DNAH14: variants seen among roughly 807,000 people sequenced by gnomAD.
The protein encoded by DNAH14 is axonemal beta dynein heavy chain 14.
DNAH14 carries 478 observed loss-of-function variants against 520.9 expected under a neutral mutation model. That is an observed-to-expected ratio of 0.92 (90% CI 0.85 to 0.99). The LOEUF is 0.99. Ranked by LOEUF, DNAH14 falls within the 50% of genes least tolerant of loss-of-function variation. DNAH14 has a pLI of 0.00. For missense variants in DNAH14, 4,831 were observed against 5,234.5 expected, an observed-to-expected ratio of 0.92 and a Z score of 2.38; for synonymous variants, 1,581 against 1,757.2, an observed-to-expected ratio of 0.90 and a Z score of 2.51.
At chr1:224,995,168 A>G (rs1444818718) in intron 8 of DNAH14, among the ~76,000 whole-genome samples, 1 of 152,066 alleles carries the variant, frequency 6.6e-6, no homozygotes, top group Non-Finnish European at 1.5e-5. Context: ...TTATGTTATC[A>G]TTTAGTGGCT....
Position 225,240,636 on chromosome 1 carries a change from A to G in DNAH14, c.6562A>G (p.Thr2188Ala). The change falls in exon 43 of 86, where the codon ACA (threonine) becomes GCA (alanine). Residue 2188 changes from threonine (T) to alanine (A), a missense_variant. Coordinates refer to ENST00000682510, the MANE Select transcript of DNAH14 (RefSeq NM_001367479.1). ...WYPEKNPDKL[T>A]KIIQKLFVFA... ...TCCAGAGAAAAATCCTGATAAATTA[A>G]CAAAAATTATTCAAAAGCTTTTTGT... is the stretch of plus-strand genomic sequence containing the variant. 1.9e-6 allele frequency: 3 copies of G among 1,550,680 alleles called. No individual in the cohort carries two copies. The highest frequency in any genetic ancestry group is 2.6e-6 in the Non-Finnish European group (3 of 1,146,370).
intron 5 of DNAH14, among the ~76,000 whole-genome samples, chr1:224,966,637 A>G (rs1460655268): frequency 6.6e-6 from 1 of 152,144 alleles, no homozygotes; most frequent in East Asian, 1.9e-4. Context: ...CTACGTCACC[A>G]TTTCCTGAAT....
At chr1:225,296,274 G>T (rs2094003878) in intron 55 of DNAH14, among the ~76,000 whole-genome samples, 1 of 152,032 alleles carries the variant, frequency 6.6e-6, no homozygotes, top group Non-Finnish European at 1.5e-5. Context: ...TGCCCAGGCT[G>T]GTCTGGAACT....
chr1:225,267,490 T>A (rs1232089131), intron 49 of DNAH14, among the ~76,000 whole-genome samples: 1 of 152,104 alleles, frequency 6.6e-6, no homozygotes, highest in Non-Finnish European at 1.5e-5. Flanking sequence ...AAACAGGGTT[T>A]CACCATGTTA....
intron 56 of DNAH14, among the ~76,000 whole-genome samples, chr1:225,302,519 G>T (rs781324220): frequency 3.9e-5 from 6 of 152,096 alleles, no homozygotes; most frequent in Non-Finnish European, 5.9e-5. Flanking sequence ...TCAGTAATGC[G>T]GACTTATTGC....
Position 224,952,458 on chromosome 1 carries a change from G to A in DNAH14, c.-33-212G>A, listed in dbSNP as rs3737329. ...AGATGGAAACAAATTGCCATAGAAA[G>A]GAAGTTAGACAATATAGAGATTGCC... On this transcript the variant is annotated intron_variant, in intron 1 of 85. Transcript: ENST00000682510. Among the ~76,000 whole-genome samples, 289 of 152,292 alleles carry A rather than the reference G, an allele frequency of 1.9e-3. 7 individuals carry two copies. The East Asian group carries it at 0.049, about 26-fold the overall frequency.
At chr1:225,007,580 C>G in intron 10 of DNAH14, 36 bp downstream of exon 10, 1 of 1,439,210 alleles carries the variant, frequency 6.9e-7, no homozygotes, top group Non-Finnish European at 9.2e-7. Context: ...ATCAAAGTTG[C>G]AATTTACTAG....
At chr1:225,188,326 A>G (rs1484041209) in intron 37 of DNAH14, among the ~76,000 whole-genome samples, 1 of 151,938 alleles carries the variant, frequency 6.6e-6, no homozygotes, top group Non-Finnish European at 1.5e-5. Flanking sequence ...TTATCATATC[A>G]TCATCACAAG....
intron 69 of DNAH14, among the ~76,000 whole-genome samples, 193 bp from the exon 70 acceptor site, chr1:225,345,767 TAC>T (rs2095277089): frequency 6.6e-6 from 1 of 152,182 alleles, no homozygotes; most frequent in Admixed American, 6.5e-5. Flanking sequence ...AAGTGAGGTG[TAC>T]GTACTATTAA....
At chr1:225,224,676 G>A (rs545453719) in intron 41 of DNAH14, among the ~76,000 whole-genome samples, 37 of 152,150 alleles carry the variant, frequency 2.4e-4, no homozygotes, top group Non-Finnish European at 1.3e-4. Context: ...GCCTACAAAA[G>A]TAGTTCACTC....
At chr1:225,076,095 G>C (rs2072242369) in intron 17 of DNAH14, among the ~76,000 whole-genome samples, 1 of 152,170 alleles carries the variant, frequency 6.6e-6, no homozygotes, top group Admixed American at 6.5e-5. Context: ...TGACTACCAA[G>C]GGTAGTGTGG....
intron 3 of DNAH14, among the ~76,000 whole-genome samples, chr1:224,959,606 A>G (rs2060721452): frequency 6.6e-6 from 1 of 152,120 alleles, no homozygotes; most frequent in Non-Finnish European, 1.5e-5. Context: ...TAAGTCTACC[A>G]ATTAGGTAAG....
intron 46 of DNAH14, 59 bp downstream of exon 46, chr1:225,259,312 T>C: frequency 4.1e-6 from 5 of 1,211,312 alleles, no homozygotes; most frequent in Middle Eastern, 2.2e-4. Flanking sequence ...TGCTTTAATA[T>C]ATAAATATGC....
chr1:225,380,051 T>C lies in DNAH14; in HGVS notation c.12717-108T>C, dbSNP rs2095760457. On this transcript the variant is annotated intron_variant, in intron 79 of 85. Transcript: ENST00000682510. ...CTCATCCTACAGTGGTATAGAACAC[T>C]AAACATATTCCTCCTGTCTACCAGT... The C allele has an allele frequency of 6.6e-6, 8 of 1,220,366 alleles. No homozygotes were observed. In the South Asian group the frequency reaches 1.1e-4, roughly 17 times the overall value. The allele number at this position is 1,220,366 out of a possible 1,614,324, so 75.6% of individuals were successfully genotyped here. A position where few individuals can be genotyped will look rare whatever the true frequency, so the allele number is the denominator to read the frequency against.
rs999439692 is a variant in DNAH14 at position 225,100,699 on chromosome 1, T to C, written c.3696-14T>C. The C allele has an allele frequency of 1.4e-6, 2 of 1,463,288 alleles. No homozygotes were observed. Among genetic ancestry groups the C allele is most frequent in the African/African-American group, 2.9e-5 (2 of 68,780 alleles). The allele number at this position is 1,463,288 out of a possible 1,614,324, so 90.6% of individuals were successfully genotyped here. ...TTAAAAAAAATAAAATGACATCTAA[T>C]TTTTTTTCTAAAGGCAACTCCCAGC... On this transcript the variant is annotated splice_polypyrimidine_tract_variant and intron_variant, in intron 22 of 85. Coordinates refer to ENST00000682510, the MANE Select transcript of DNAH14 (RefSeq NM_001367479.1).
intron 17 of DNAH14, among the ~76,000 whole-genome samples, chr1:225,065,042 A>G (rs558141689): frequency 3.9e-5 from 6 of 152,102 alleles, no homozygotes; most frequent in Non-Finnish European, 2.9e-5. Context: ...TTATTACCTT[A>G]CCTAGAATGG....
chr1:225,290,170 C>G (rs1041199357), intron 55 of DNAH14, 88 bp downstream of exon 55: 1 of 955,676 alleles, frequency 1.0e-6, no homozygotes, highest in African/African-American at 1.7e-5. Context: ...GAAAAGAAAA[C>G]AAGAAAATAT....
chr1:224,998,611 G>T (rs1175452491), intron 8 of DNAH14, among the ~76,000 whole-genome samples: 1 of 152,064 alleles, frequency 6.6e-6, no homozygotes, highest in Non-Finnish European at 1.5e-5. Flanking sequence ...ATTGTGGTGA[G>T]AAATTGGTCT....
At chr1:225,211,965 G>C (rs1009044381) in intron 41 of DNAH14, among the ~76,000 whole-genome samples, 2 of 151,742 alleles carry the variant, frequency 1.3e-5, no homozygotes, top group African/African-American at 4.8e-5. Context: ...GTGCAGGTTT[G>C]TTACGTATGT....
Sources: gnomAD v4.1 joint callset for allele counts (sites outside exome capture counted in the v4.1 genomes callset) on GRCh38, gnomAD v4.1.1 for gene constraint, MANE v1.5 for transcripts, NCBI Gene and HGNC (gene_info 2026-07-23, HGNC 2026-07-21) for gene names.